AGBL4: variants seen among roughly 807,000 people sequenced by gnomAD.
The protein encoded by AGBL4 is cytosolic carboxypeptidase 6.
In AGBL4, 58 loss-of-function variants were observed where a neutral mutation model predicts 66.4. The observed-to-expected ratio is 0.87, with a 90% confidence interval of 0.71 to 1.09. AGBL4 has a LOEUF of 1.09. AGBL4 is among the 50% of genes least tolerant of loss of function. AGBL4 has a pLI of 0.00. For missense variants in AGBL4, 579 were observed against 631.0 expected, an observed-to-expected ratio of 0.92 and a Z score of 0.88; for synonymous variants, 234 against 222.9, an observed-to-expected ratio of 1.05 and a Z score of -0.44.
At chr1:50,018,160 T>C (rs1197176556) in intron 1 of AGBL4, among the ~76,000 whole-genome samples, 2 of 152,170 alleles carry the variant, frequency 1.3e-5, no homozygotes, top group Non-Finnish European at 2.9e-5. Context: ...TTTAGAAGTC[T>C]TTTTGTGTTT....
chr1:49,796,135 G>A (rs528373755), intron 2 of AGBL4, among the ~76,000 whole-genome samples: 35 of 151,976 alleles, frequency 2.3e-4, no homozygotes, highest in Admixed American at 2.2e-3. Context: ...AGGTAATTCA[G>A]AAGCAGAATA....
intron 3 of AGBL4, among the ~76,000 whole-genome samples, chr1:49,503,245 G>A (rs1433063360): frequency 2.6e-5 from 4 of 152,090 alleles, no homozygotes; most frequent in African/African-American, 7.2e-5. Context: ...TTTTCCTGTG[G>A]GTCCACAGAA....
At chr1:50,013,650 T>C (rs1470075086) in intron 1 of AGBL4, among the ~76,000 whole-genome samples, 2 of 152,230 alleles carry the variant, frequency 1.3e-5, no homozygotes, top group Non-Finnish European at 2.9e-5. Context: ...GTTACAGTAT[T>C]ACAGCTTAGG....
chr1:49,252,896 C>T (rs1271323048), intron 3 of AGBL4, among the ~76,000 whole-genome samples: 1 of 152,236 alleles, frequency 6.6e-6, no homozygotes, highest in South Asian at 2.1e-4. Context: ...CTTATGAGAG[C>T]TCCTGAAGGA....
chr1:49,188,019 T>A (rs1270039580), intron 4 of AGBL4, among the ~76,000 whole-genome samples: 1 of 152,082 alleles, frequency 6.6e-6, no homozygotes, highest in Non-Finnish European at 1.5e-5. Context: ...CTGCACATGC[T>A]CTCTCTTTAT....
intron 3 of AGBL4, among the ~76,000 whole-genome samples, chr1:49,309,787 ATTTAG>A (rs1048282030): frequency 6.6e-6 from 1 of 152,176 alleles, no homozygotes; most frequent in African/African-American, 2.4e-5. Context: ...TTTCACTATT[ATTTAG>A]TTTAAACAAA....
chr1:49,874,867 C>A (rs1053470278), intron 1 of AGBL4, among the ~76,000 whole-genome samples: 4 of 151,766 alleles, frequency 2.6e-5, no homozygotes, highest in Non-Finnish European at 4.4e-5. Flanking sequence ...GGTACATGTG[C>A]ACAATGTGCA....
intron 3 of AGBL4, among the ~76,000 whole-genome samples, chr1:49,452,266 G>A (rs555110889): frequency 6.6e-6 from 1 of 151,826 alleles, no homozygotes; most frequent in African/African-American, 2.4e-5. Flanking sequence ...TGGACTAATT[G>A]GTGTCCCTGT....
intron 3 of AGBL4, among the ~76,000 whole-genome samples, chr1:49,468,898 G>C (rs2148709552): frequency 1.3e-5 from 2 of 151,788 alleles, no homozygotes; most frequent in Middle Eastern, 6.8e-3. Flanking sequence ...ACGTACATTT[G>C]TGAAATATAA....
At chr1:49,321,728 G>A (rs1241340566) in intron 3 of AGBL4, among the ~76,000 whole-genome samples, 6 of 152,132 alleles carry the variant, frequency 3.9e-5, no homozygotes, top group Non-Finnish European at 4.4e-5. Flanking sequence ...TCATACGATG[G>A]AATAATAGCT....
Position 48,954,897 on chromosome 1 carries a change from A to G in AGBL4, c.595-87667T>C, listed in dbSNP as rs548657584. On this transcript the variant is annotated intron_variant, in intron 5 of 13. Coordinates refer to ENST00000371839, the MANE Select transcript of AGBL4 (RefSeq NM_032785.4). ...AAGACAGCACTGACCTCAAGAGATC[A>G]GTGAGAATTATATCAGATAATGTAT... 4.6e-5 allele frequency among the ~76,000 whole-genome samples: 7 copies of G among 152,332 alleles called. No homozygotes were observed. The South Asian group carries it at 1.5e-3, about 32-fold the overall frequency.
chr1:49,347,560 C>G (rs568454678), intron 3 of AGBL4, among the ~76,000 whole-genome samples: 2 of 151,990 alleles, frequency 1.3e-5, no homozygotes, highest in South Asian at 4.2e-4. Flanking sequence ...TCTTTACTTT[C>G]TTAATAAACT....
chr1:48,754,965 G>A (rs12407980), intron 6 of AGBL4, among the ~76,000 whole-genome samples: 56,301 of 152,096 alleles, frequency 0.37, 13,216 homozygotes, highest in Non-Finnish European at 0.53. Flanking sequence ...CAAAATGACG[G>A]TGACAGTCTA....
intron 4 of AGBL4, among the ~76,000 whole-genome samples, chr1:49,091,570 A>G (rs1645004191): frequency 6.6e-6 from 1 of 152,174 alleles, no homozygotes; most frequent in Non-Finnish European, 1.5e-5. Context: ...AAATCCTTAT[A>G]CACTGCTGGT....
chr1:49,158,901 C>A (rs912159677), intron 4 of AGBL4, among the ~76,000 whole-genome samples: 1 of 148,166 alleles, frequency 6.7e-6, no homozygotes, highest in Non-Finnish European at 1.5e-5. Context: ...CTTTTTTTTG[C>A]TTTCCACTTG....
intron 4 of AGBL4, among the ~76,000 whole-genome samples, chr1:49,114,389 T>G (rs1292873822): frequency 6.6e-6 from 1 of 152,212 alleles, no homozygotes; most frequent in African/African-American, 2.4e-5. Flanking sequence ...TTGATCTGGA[T>G]TAGGCTTTGG....
chr1:48,634,963 G>A (rs1645646223), intron 8 of AGBL4, among the ~76,000 whole-genome samples: 1 of 152,176 alleles, frequency 6.6e-6, no homozygotes, highest in South Asian at 2.1e-4. Flanking sequence ...AACTACTGGT[G>A]TTCCCATTAT....
At chr1:49,452,859 T>C (rs748197803) in intron 3 of AGBL4, among the ~76,000 whole-genome samples, 1 of 151,888 alleles carries the variant, frequency 6.6e-6, no homozygotes, top group Non-Finnish European at 1.5e-5. Context: ...CTTTTCTGTG[T>C]GAGGCACTGT....
chr1:48,789,370 G>A (rs1044197851), intron 6 of AGBL4, among the ~76,000 whole-genome samples: 1 of 151,598 alleles, frequency 6.6e-6, no homozygotes, highest in African/African-American at 2.4e-5. Flanking sequence ...CTCACTGCAA[G>A]CTCCGCCTCC....
Sources: allele counts gnomAD v4.1 joint callset (sites outside exome capture counted in the v4.1 genomes callset), GRCh38; gene constraint gnomAD v4.1.1; transcripts MANE v1.5; gene names NCBI Gene and HGNC (gene_info 2026-07-23, HGNC 2026-07-21).